The following DRC8 variants were observed in gnomAD, a reference collection of about 807,000 sequenced individuals.
DRC8 encodes dynein regulatory complex subunit 8, also known as dynein regulatory complex protein 8.
chr1:245,006,935 AAAAC>A, the DRC8 span, among the ~76,000 whole-genome samples: 1 of 147,688 alleles, frequency 6.8e-6, no homozygotes, highest in African/African-American at 2.4e-5. Context: ...CTCTGTCTCA[AAAAC>A]AAACAAACAA....
the DRC8 span, among the ~76,000 whole-genome samples, chr1:245,012,359 T>C: frequency 1.1e-3 from 163 of 151,874 alleles, 1 homozygote; most frequent in South Asian, 0.012. Context: ...ATAAAATGGA[T>C]TATTATCACT....
the DRC8 span, among the ~76,000 whole-genome samples, chr1:245,102,115 A>T: frequency 2.0e-5 from 3 of 152,200 alleles, no homozygotes; most frequent in African/African-American, 7.2e-5. Flanking sequence ...ACAGACACAC[A>T]ACTCACTGGT....
the DRC8 span, among the ~76,000 whole-genome samples, chr1:245,049,628 C>A: frequency 6.6e-6 from 1 of 152,082 alleles, no homozygotes; most frequent in African/African-American, 2.4e-5. This position sits in a 1 kb window ranked among gnomAD's most constrained non-coding sequence, Gnocchi z 4.5. Flanking sequence ...ACAACAACAA[C>A]AAAAATACCC....
At chr1:245,075,935 A>G in the DRC8 span, among the ~76,000 whole-genome samples, 3 of 152,210 alleles carry the variant, frequency 2.0e-5, no homozygotes, top group Non-Finnish European at 4.4e-5. Context: ...CATGTGGGGA[A>G]ACAGCAGAGG....
At chr1:245,076,063 G>A in the DRC8 span, among the ~76,000 whole-genome samples, 1 of 152,216 alleles carries the variant, frequency 6.6e-6, no homozygotes, top group African/African-American at 2.4e-5. Context: ...TTATTTAATT[G>A]CCACATTCCA....
At chr1:245,110,068 C>T in the DRC8 span, among the ~76,000 whole-genome samples, 4 of 152,130 alleles carry the variant, frequency 2.6e-5, no homozygotes, top group Non-Finnish European at 4.4e-5. Flanking sequence ...GTAAAGACTT[C>T]GTTAACTTTT....
the DRC8 span, among the ~76,000 whole-genome samples, chr1:245,004,085 G>T: frequency 1.3e-5 from 2 of 151,872 alleles, no homozygotes; most frequent in African/African-American, 2.4e-5. Flanking sequence ...TGATTTTTTT[G>T]TTTGTTTGTT....
the DRC8 span, chr1:245,087,057 C>T: frequency 3.7e-6 from 3 of 811,488 alleles, no homozygotes; most frequent in African/African-American, 3.5e-5. Flanking sequence ...CCAGAATCTA[C>T]CAGGGTGTAC....
chr1:245,086,464 G>C, the DRC8 span, among the ~76,000 whole-genome samples: 1 of 152,128 alleles, frequency 6.6e-6, no homozygotes, highest in Admixed American at 6.6e-5. Context: ...TATCCACAAA[G>C]TATCAAACAC....
At chr1:245,027,864 T>C in the DRC8 span, among the ~76,000 whole-genome samples, 48 of 147,694 alleles carry the variant, frequency 3.2e-4, no homozygotes, top group Non-Finnish European at 5.9e-4. Context: ...GTTGATTCTC[T>C]TGTCAGTTTT....
the DRC8 span, among the ~76,000 whole-genome samples, chr1:244,977,137 G>T: frequency 6.6e-6 from 1 of 152,176 alleles, no homozygotes; most frequent in African/African-American, 2.4e-5. Context: ...GCTGTGGGGA[G>T]AGGAGAATGG....
At chr1:245,098,220 G>T in the DRC8 span, among the ~76,000 whole-genome samples, 1 of 152,150 alleles carries the variant, frequency 6.6e-6, no homozygotes, top group Non-Finnish European at 1.5e-5. Context: ...AAGGTTGAGG[G>T]GGAAGATCGA....
At chr1:245,116,108 G>A in the DRC8 span, among the ~76,000 whole-genome samples, 5,641 of 151,780 alleles carry the variant, frequency 0.037, 286 homozygotes, top group East Asian at 0.14. Flanking sequence ...GGCTGGTCTC[G>A]AACTCCTGGC....
chr1:245,047,635 C>CG, the DRC8 span, among the ~76,000 whole-genome samples: 12 of 103,898 alleles, frequency 1.2e-4, no homozygotes, highest in Middle Eastern at 7.8e-3. Context: ...ACTCCATCTC[C>CG]AAAAAAAAAA....
the DRC8 span, among the ~76,000 whole-genome samples, chr1:244,981,632 A>G: frequency 6.6e-6 from 1 of 152,202 alleles, no homozygotes; most frequent in African/African-American, 2.4e-5. Flanking sequence ...TCCTGGAGCC[A>G]TAAACTGCAA....
At chr1:245,053,513 A>G in the DRC8 span, among the ~76,000 whole-genome samples, 14 of 152,214 alleles carry the variant, frequency 9.2e-5, no homozygotes, top group Non-Finnish European at 1.5e-4. Flanking sequence ...AGTGCAGTAG[A>G]GGAAAAGAGA....
At chr1:245,089,444 A>G in the DRC8 span, among the ~76,000 whole-genome samples, 1 of 152,010 alleles carries the variant, frequency 6.6e-6, no homozygotes, top group African/African-American at 2.4e-5. This position sits in a 1 kb window ranked among gnomAD's most constrained non-coding sequence, Gnocchi z 4.8. Flanking sequence ...CACAAAAGAG[A>G]CTGGGAAGGA....
the DRC8 span, among the ~76,000 whole-genome samples, chr1:245,096,710 A>T: frequency 1.3e-5 from 2 of 152,250 alleles, no homozygotes; most frequent in Non-Finnish European, 2.9e-5. Flanking sequence ...TTATGTGTTC[A>T]CATTGGCAAT....
chr1:245,018,027 GA>G, the DRC8 span, among the ~76,000 whole-genome samples: 2 of 152,116 alleles, frequency 1.3e-5, no homozygotes, highest in Non-Finnish European at 2.9e-5. Flanking sequence ...AGGAGTTCAG[GA>G]CCAGCCTGAC....
Sources: gnomAD v4.1 joint callset for allele counts (sites outside exome capture counted in the v4.1 genomes callset) on GRCh38, gnomAD v4.1.1 for gene constraint, Gnocchi (gnomAD v3.1) non-coding constraint, MANE v1.5 for transcripts, NCBI Gene and HGNC (gene_info 2026-07-23, HGNC 2026-07-21) for gene names.